NXPE4: variants seen among roughly 807,000 people sequenced by gnomAD.
NXPE4 encodes NXPE family member 4.
NXPE4 carries 42 observed loss-of-function variants against 33.3 expected under a neutral mutation model. The ratio of observed to expected loss-of-function variants is 1.26; its 90% confidence interval spans 0.98 to 1.63. The LOEUF (loss-of-function observed/expected upper bound fraction) is 1.63, where lower values mean the gene tolerates loss of function less well. Among genes scored for constraint, NXPE4 ranks in the 40% most tolerant of loss-of-function variants. The pLI is 0.00. For missense variants in NXPE4, 709 were observed against 647.6 expected (o/e 1.09, Z -1.03); for synonymous variants, 253 against 234.9 (o/e 1.08, Z -0.71).
At chr11:114,626,208 C>A in the NXPE4 span, among the ~76,000 whole-genome samples, 1 of 152,200 alleles carries the variant, frequency 6.6e-6, no homozygotes, top group African/African-American at 2.4e-5. Flanking sequence ...TCTGTAGGCT[C>A]CACCTCTGGG....
chr11:114,617,028 G>A, the NXPE4 span, among the ~76,000 whole-genome samples: 2 of 151,846 alleles, frequency 1.3e-5, no homozygotes, highest in African/African-American at 2.4e-5. Context: ...GTATTTCCTC[G>A]TGGGTAACCT....
rs142529055 is a variant in NXPE4, at chr11:114,580,520, A to T, written c.893-182T>A. Among the ~76,000 whole-genome samples, 676 of 152,188 alleles carry T rather than the reference A, an allele frequency of 4.4e-3. 2 individuals carry two copies. The highest frequency in any genetic ancestry group is 0.015 in the African/African-American group (638 of 41,520). ...TTTTTTTAATAAAAATTTTTCTCTG[A>T]TGTGAATTTCCTAAATAATGTTCAT... On this transcript the variant is annotated intron_variant, in intron 4 of 5. Transcript: ENST00000375478.
At chr11:114,673,311 T>C in the NXPE4 span, among the ~76,000 whole-genome samples, 1 of 151,450 alleles carries the variant, frequency 6.6e-6, no homozygotes, top group Non-Finnish European at 1.5e-5. Flanking sequence ...CCAAAACTTA[T>C]GGGATAAAGA....
chr11:114,619,523 C>T, the NXPE4 span, among the ~76,000 whole-genome samples: 2 of 150,524 alleles, frequency 1.3e-5, no homozygotes, highest in African/African-American at 4.9e-5. Flanking sequence ...CACTGTTACC[C>T]GGTGGAGGAT....
the NXPE4 span, among the ~76,000 whole-genome samples, chr11:114,658,912 C>T: frequency 6.6e-6 from 1 of 152,078 alleles, no homozygotes; most frequent in South Asian, 2.1e-4. Context: ...CAACAGCAAT[C>T]TACCATGGAA....
At chr11:114,578,039 C>T (rs1423284849) in intron 5 of NXPE4, among the ~76,000 whole-genome samples, 2 of 152,130 alleles carry the variant, frequency 1.3e-5, no homozygotes, top group African/African-American at 2.4e-5. Flanking sequence ...CTTCCATTTT[C>T]ATCACATTAA....
chr11:114,632,110 A>G, the NXPE4 span, among the ~76,000 whole-genome samples: 2 of 144,762 alleles, frequency 1.4e-5, no homozygotes, highest in Non-Finnish European at 3.0e-5. Flanking sequence ...TGTAATATAT[A>G]AATTATATAT....
At chr11:114,673,518 T>A in the NXPE4 span, among the ~76,000 whole-genome samples, 1 of 150,748 alleles carries the variant, frequency 6.6e-6, no homozygotes, top group African/African-American at 2.4e-5. Context: ...GACAGAAAAA[T>A]CATTGAAACC....
chr11:114,662,455 G>T, the NXPE4 span, among the ~76,000 whole-genome samples: 1 of 152,156 alleles, frequency 6.6e-6, no homozygotes, highest in Non-Finnish European at 1.5e-5. Context: ...AAACTTGAAA[G>T]ACAGTCTAGG....
chr11:114,620,398 C>T, the NXPE4 span, among the ~76,000 whole-genome samples: 1 of 151,794 alleles, frequency 6.6e-6, no homozygotes, highest in Non-Finnish European at 1.5e-5. Context: ...ACCACTGTTA[C>T]CCATTGGATA....
Position 114,579,768 on chromosome 11 carries a change from C to A in NXPE4, c.1099+364G>T, listed in dbSNP as rs145873530. Among the ~76,000 whole-genome samples, 1,395 of 152,228 alleles carry A rather than the reference C, an allele frequency of 9.2e-3. 36 individuals carry two copies. Among genetic ancestry groups the A allele is most frequent in the East Asian group, 0.03 (153 of 5,178 alleles). Reference sequence around the variant, plus strand: ...GGAGGTAGAGAAGTCAGGTTTTGAACCCAGGTTGTCTGGTTCTAGAATCAT... The same window carrying A: ...GGAGGTAGAGAAGTCAGGTTTTGAAACCAGGTTGTCTGGTTCTAGAATCAT... On this transcript the variant is annotated intron_variant, in intron 5 of 5. Coordinates refer to ENST00000375478, the MANE Select transcript of NXPE4 (RefSeq NM_001077639.2).
chr11:114,651,816 A>C, the NXPE4 span, among the ~76,000 whole-genome samples: 9 of 152,170 alleles, frequency 5.9e-5, no homozygotes, highest in Non-Finnish European at 1.3e-4. Context: ...TGATTGGTGC[A>C]TTTACAATCC....
chr11:114,619,297 G>C, the NXPE4 span, among the ~76,000 whole-genome samples: 31 of 152,108 alleles, frequency 2.0e-4, no homozygotes, highest in Non-Finnish European at 1.9e-4. Flanking sequence ...TTGCCTCGTG[G>C]GTAACCACTG....
At chr11:114,622,791 G>C in the NXPE4 span, among the ~76,000 whole-genome samples, 1 of 152,116 alleles carries the variant, frequency 6.6e-6, no homozygotes, top group Non-Finnish European at 1.5e-5. Context: ...CTGCCTTGTG[G>C]ATAATTAGTA....
At chr11:114,628,900 G>T in the NXPE4 span, among the ~76,000 whole-genome samples, 1 of 151,942 alleles carries the variant, frequency 6.6e-6, no homozygotes, top group Non-Finnish European at 1.5e-5. Context: ...ACACCTCTAT[G>T]CAAATAAACT....
chr11:114,610,702 G>C, the NXPE4 span, among the ~76,000 whole-genome samples: 1 of 151,840 alleles, frequency 6.6e-6, no homozygotes, highest in East Asian at 1.9e-4. Flanking sequence ...GTTACCCGGT[G>C]GATAATACCT....
intron 4 of NXPE4, among the ~76,000 whole-genome samples, chr11:114,581,344 C>T (rs1439842308): frequency 6.6e-6 from 1 of 152,088 alleles, no homozygotes; most frequent in Non-Finnish European, 1.5e-5. Context: ...AGGTTGGAAA[C>T]CTCTAGATGG....
the NXPE4 span, among the ~76,000 whole-genome samples, chr11:114,627,898 C>G: frequency 1.1e-3 from 165 of 151,526 alleles, 1 homozygote; most frequent in African/African-American, 3.9e-3. Flanking sequence ...GACTTTAAAC[C>G]AACAAAGATC....
At chr11:114,607,558 C>T in the NXPE4 span, among the ~76,000 whole-genome samples, 3 of 152,036 alleles carry the variant, frequency 2.0e-5, no homozygotes, top group African/African-American at 4.8e-5. Context: ...AGTATTGCCT[C>T]GTGGGTAACC....
Sources: allele counts gnomAD v4.1 joint callset (sites outside exome capture counted in the v4.1 genomes callset), GRCh38; gene constraint gnomAD v4.1.1; transcripts MANE v1.5; gene names NCBI Gene and HGNC (gene_info 2026-07-23, HGNC 2026-07-21).